Variants in ENTREP2 observed in about 807,000 individuals in gnomAD.
ENTREP2 encodes the protein protein ENTREP2.
At chr15:29,308,232 C>T in the ENTREP2 span, among the ~76,000 whole-genome samples, 7 of 152,056 alleles carry the variant, frequency 4.6e-5, no homozygotes, top group East Asian at 1.9e-4. Flanking sequence ...AAAAATTAGC[C>T]GGGTGTGGTG....
the ENTREP2 span, among the ~76,000 whole-genome samples, chr15:29,461,797 T>C: frequency 3.9e-5 from 6 of 152,244 alleles, no homozygotes; most frequent in African/African-American, 1.4e-4. Context: ...TTTTTAAGTG[T>C]ATGGTTCAGC....
At chr15:29,371,317 G>A in the ENTREP2 span, among the ~76,000 whole-genome samples, 1 of 145,228 alleles carries the variant, frequency 6.9e-6, no homozygotes. Context: ...AAGGTAAACT[G>A]TGCCACCCTC....
At chr15:29,327,958 A>C in the ENTREP2 span, among the ~76,000 whole-genome samples, 2 of 152,204 alleles carry the variant, frequency 1.3e-5, no homozygotes, top group African/African-American at 4.8e-5. Flanking sequence ...TATTTACATA[A>C]CTGATTTGAA....
the ENTREP2 span, among the ~76,000 whole-genome samples, chr15:29,658,114 A>G: frequency 1.3e-5 from 2 of 152,108 alleles, no homozygotes; most frequent in South Asian, 4.2e-4. Flanking sequence ...AATTTCCATA[A>G]TCCCCACATG....
At chr15:29,475,288 C>G in the ENTREP2 span, among the ~76,000 whole-genome samples, 1 of 152,138 alleles carries the variant, frequency 6.6e-6, no homozygotes, top group Non-Finnish European at 1.5e-5. Flanking sequence ...TGCGCACGCT[C>G]TTGGTGTCAT....
the ENTREP2 span, among the ~76,000 whole-genome samples, chr15:29,239,420 A>C: frequency 3.3e-5 from 5 of 152,194 alleles, no homozygotes; most frequent in African/African-American, 1.2e-4. Context: ...CAAACAGACA[A>C]GGAAAAAGAA....
chr15:29,656,037 A>T, the ENTREP2 span, among the ~76,000 whole-genome samples: 1 of 151,324 alleles, frequency 6.6e-6, no homozygotes, highest in Admixed American at 6.6e-5. Flanking sequence ...AAAAAAAAAA[A>T]AAAAAACAAC....
chr15:29,123,202 A>G, the ENTREP2 span: 19 of 920,220 alleles, frequency 2.1e-5, no homozygotes, highest in Non-Finnish European at 2.5e-5. Context: ...CACCGCCCCC[A>G]GATCATCCTG....
the ENTREP2 span, among the ~76,000 whole-genome samples, chr15:29,140,996 G>A: frequency 5.3e-5 from 8 of 152,190 alleles, no homozygotes; most frequent in Non-Finnish European, 7.3e-5. Flanking sequence ...TTGAGACCCC[G>A]CTGGAGAAGA....
the ENTREP2 span, among the ~76,000 whole-genome samples, chr15:29,252,997 T>C: frequency 9.2e-5 from 14 of 152,346 alleles, no homozygotes; most frequent in Middle Eastern, 3.4e-3. Context: ...ATCTGAATTA[T>C]TGTGCAACCA....
chr15:29,190,885 A>G, the ENTREP2 span, among the ~76,000 whole-genome samples: 2 of 152,218 alleles, frequency 1.3e-5, no homozygotes, highest in Non-Finnish European at 2.9e-5. Flanking sequence ...GAAGCAAGCA[A>G]AAGGGAAATT....
At chr15:29,371,213 C>T in the ENTREP2 span, among the ~76,000 whole-genome samples, 1 of 152,116 alleles carries the variant, frequency 6.6e-6, no homozygotes, top group Non-Finnish European at 1.5e-5. Flanking sequence ...CCCAGGAAGA[C>T]TAAAGTGGAT....
the ENTREP2 span, among the ~76,000 whole-genome samples, chr15:29,520,581 A>G: frequency 6.6e-6 from 1 of 151,596 alleles, no homozygotes; most frequent in Non-Finnish European, 1.5e-5. Context: ...CATGTTTCCT[A>G]TAAAAAAAAA....
the ENTREP2 span, among the ~76,000 whole-genome samples, chr15:29,193,325 G>T: frequency 6.6e-6 from 1 of 152,164 alleles, no homozygotes; most frequent in African/African-American, 2.4e-5. Flanking sequence ...CTGATCGTCT[G>T]GGGACCTGGA....
the ENTREP2 span, among the ~76,000 whole-genome samples, chr15:29,555,809 C>T: frequency 3.9e-5 from 6 of 152,348 alleles, no homozygotes; most frequent in East Asian, 1.2e-3. Flanking sequence ...TGCTCTGGGT[C>T]CCCCATGACC....
the ENTREP2 span, among the ~76,000 whole-genome samples, chr15:29,396,932 G>T: frequency 2.0e-5 from 3 of 152,146 alleles, no homozygotes; most frequent in African/African-American, 7.2e-5. Flanking sequence ...ATGGTTCTGG[G>T]ATAATTGTTA....
At chr15:29,139,166 C>T in the ENTREP2 span, among the ~76,000 whole-genome samples, 2 of 152,246 alleles carry the variant, frequency 1.3e-5, no homozygotes, top group Non-Finnish European at 2.9e-5. Flanking sequence ...GGGTCAAGCG[C>T]TGTGAAATAA....
chr15:29,260,596 C>T, the ENTREP2 span, among the ~76,000 whole-genome samples: 1 of 152,184 alleles, frequency 6.6e-6, no homozygotes, highest in Non-Finnish European at 1.5e-5. Context: ...CTTTCAGAGA[C>T]ACGTGCCAAA....
At chr15:29,646,873 ACAAT>A in the ENTREP2 span, among the ~76,000 whole-genome samples, 2 of 152,146 alleles carry the variant, frequency 1.3e-5, no homozygotes, top group Non-Finnish European at 2.9e-5. Flanking sequence ...CTGCAATAAA[ACAAT>A]CACTCACTCA....
Sources: gnomAD v4.1 joint callset for allele counts (sites outside exome capture counted in the v4.1 genomes callset) on GRCh38, gnomAD v4.1.1 for gene constraint, MANE v1.5 for transcripts, NCBI Gene and HGNC (gene_info 2026-07-23, HGNC 2026-07-21) for gene names.